NKAIN2: variants seen among roughly 807,000 people sequenced by gnomAD.
NKAIN2 encodes the protein sodium/potassium-transporting ATPase subunit beta-1-interacting protein 2.
NKAIN2 carries 14 observed loss-of-function variants against 32.6 expected under a neutral mutation model. The observed-to-expected ratio is 0.43, with a 90% CI of 0.28 to 0.67. NKAIN2 has a LOEUF of 0.67. NKAIN2 is among the 30% of genes least tolerant of loss of function. The pLI, the probability that NKAIN2 is intolerant of heterozygous loss-of-function variation, is 0.17. For missense variants in NKAIN2, 198 were observed against 258.3 expected, an observed-to-expected ratio of 0.77 and a Z score of 1.60; for synonymous variants, 80 against 87.2, an observed-to-expected ratio of 0.92 and a Z score of 0.46.
intron 1 of NKAIN2, among the ~76,000 whole-genome samples, chr6:123,875,384 G>A (rs901533520): frequency 6.6e-6 from 1 of 151,770 alleles, no homozygotes; most frequent in African/African-American, 2.4e-5. Context: ...TAATTTGCTT[G>A]TTTCCTTTTG....
chr6:124,762,226 CTTCT>C (rs1240269679), intron 4 of NKAIN2, among the ~76,000 whole-genome samples: 2 of 152,130 alleles, frequency 1.3e-5, no homozygotes, highest in Non-Finnish European at 2.9e-5. Flanking sequence ...AGGTGGCCAC[CTTCT>C]TTCTGTGTCC....
At chr6:123,998,724 G>A (rs1262663496) in intron 1 of NKAIN2, among the ~76,000 whole-genome samples, 4 of 138,574 alleles carry the variant, frequency 2.9e-5, no homozygotes, top group Non-Finnish European at 6.1e-5. Flanking sequence ...TAAAGAAATT[G>A]TTGTTTCTCT....
At chr6:124,508,234 G>T (rs1188648636) in intron 3 of NKAIN2, among the ~76,000 whole-genome samples, 1 of 151,988 alleles carries the variant, frequency 6.6e-6, no homozygotes, top group African/African-American at 2.4e-5. Context: ...TCTAGCCTGA[G>T]TGACAGAGTA....
At chr6:123,978,955 G>T (rs951046728) in intron 1 of NKAIN2, among the ~76,000 whole-genome samples, 1 of 152,084 alleles carries the variant, frequency 6.6e-6, no homozygotes, top group Non-Finnish European at 1.5e-5. Flanking sequence ...TGTAGTTTCG[G>T]AGATCATTGC....
At chr6:124,748,663 G>A (rs555153335) in intron 4 of NKAIN2, among the ~76,000 whole-genome samples, 7 of 151,922 alleles carry the variant, frequency 4.6e-5, no homozygotes, top group Middle Eastern at 3.4e-3. Context: ...AACATAAAGC[G>A]CAGATCTATC....
chr6:124,333,693 A>T (rs796154558), intron 2 of NKAIN2, among the ~76,000 whole-genome samples: 13 of 152,112 alleles, frequency 8.5e-5, no homozygotes, highest in African/African-American at 2.9e-4. Context: ...ATACATAAAT[A>T]AATAAAATAA....
At chr6:124,639,735 G>A (rs1272679347) in intron 3 of NKAIN2, among the ~76,000 whole-genome samples, 1 of 152,172 alleles carries the variant, frequency 6.6e-6, no homozygotes, top group African/African-American at 2.4e-5. Flanking sequence ...TGCAGTGAAA[G>A]TTAAATGCTA....
chr6:124,046,738 G>A (rs988882570), intron 1 of NKAIN2, among the ~76,000 whole-genome samples: 1 of 151,888 alleles, frequency 6.6e-6, no homozygotes, highest in African/African-American at 2.4e-5. Flanking sequence ...TGATGAGTGG[G>A]CTCTACATCT....
intron 1 of NKAIN2, among the ~76,000 whole-genome samples, chr6:124,047,679 G>C (rs1049730680): frequency 1.1e-4 from 17 of 151,972 alleles, no homozygotes; most frequent in African/African-American, 4.1e-4. Context: ...AGGATATTTT[G>C]GATAGTGACA....
chr6:124,078,650 T>C (rs1214742760), intron 1 of NKAIN2, among the ~76,000 whole-genome samples: 2 of 152,154 alleles, frequency 1.3e-5, no homozygotes, highest in Non-Finnish European at 2.9e-5. Context: ...CTACATTTTG[T>C]AATCCTAGTT....
At chr6:124,161,080 G>T (rs1788253198) in intron 1 of NKAIN2, among the ~76,000 whole-genome samples, 1 of 152,078 alleles carries the variant, frequency 6.6e-6, no homozygotes, top group Non-Finnish European at 1.5e-5. Flanking sequence ...CTTTTGCATT[G>T]CTATAAATAA....
chr6:124,269,397 A>G (rs1312454986), intron 1 of NKAIN2, among the ~76,000 whole-genome samples: 1 of 151,230 alleles, frequency 6.6e-6, no homozygotes, highest in Non-Finnish European at 1.5e-5. Flanking sequence ...ATCTGAAATG[A>G]TATTCTCTTG....
At position 124,818,409 on chromosome 6, in the gene NKAIN2, CTCTT is replaced by C. The variant is rs1781262345; in HGVS notation, c.559_562del (p.Ser187MetfsTer72). On this transcript the variant is annotated frameshift_variant, in exon 6 of 7. Transcript: ENST00000368417. LOFTEE classifies it high-confidence loss of function. ...CAGTTGATTTCATAGGTGGCTTTGA[CTCTT>C]ATGGCTATCAAGGGCCTCAGAAGAC... The C allele has an allele frequency of 6.2e-7, 1 of 1,602,676 alleles. No individual in the cohort carries two copies. The highest frequency in any genetic ancestry group is 8.5e-7 in the Non-Finnish European group (1 of 1,170,378).
chr6:123,862,414 A>G (rs1028013225), intron 1 of NKAIN2, among the ~76,000 whole-genome samples: 2 of 152,144 alleles, frequency 1.3e-5, no homozygotes, highest in African/African-American at 2.4e-5. Context: ...TACATGGACT[A>G]TAGTAGCTGC....
chr6:124,514,388 C>G (rs1359799861), intron 3 of NKAIN2, among the ~76,000 whole-genome samples: 1 of 152,110 alleles, frequency 6.6e-6, no homozygotes, highest in Non-Finnish European at 1.5e-5. Context: ...CCCCAAATCC[C>G]TTTCTCTAGG....
chr6:124,651,741 C>T (rs1388066579), intron 3 of NKAIN2, among the ~76,000 whole-genome samples: 2 of 152,158 alleles, frequency 1.3e-5, no homozygotes, highest in Non-Finnish European at 2.9e-5. Flanking sequence ...AGACCTGTCT[C>T]CCAAAATCAT....
intron 2 of NKAIN2, among the ~76,000 whole-genome samples, chr6:124,307,749 T>TA: frequency 6.6e-6 from 1 of 152,150 alleles, no homozygotes; most frequent in Admixed American, 6.6e-5. Context: ...GTTGTACTTT[T>TA]AAAAAATGAA....
At chr6:124,018,585 A>G (rs929544540) in intron 1 of NKAIN2, among the ~76,000 whole-genome samples, 7 of 152,102 alleles carry the variant, frequency 4.6e-5, no homozygotes, top group African/African-American at 1.7e-4. Context: ...TAGGGTGGGG[A>G]GAAGAAATTC....
intron 1 of NKAIN2, among the ~76,000 whole-genome samples, chr6:123,906,517 T>C (rs1774881108): frequency 6.6e-6 from 1 of 152,164 alleles, no homozygotes; most frequent in African/African-American, 2.4e-5. Flanking sequence ...GGTCTTGAAT[T>C]CCTTGGCTCA....
Sources: allele counts gnomAD v4.1 joint callset (sites outside exome capture counted in the v4.1 genomes callset), GRCh38; gene constraint gnomAD v4.1.1; transcripts MANE v1.5; gene names NCBI Gene and HGNC (gene_info 2026-07-23, HGNC 2026-07-21).